IMMP2L: variants seen among roughly 807,000 people sequenced by gnomAD.
IMMP2L encodes inner mitochondrial membrane peptidase subunit 2, also known as mitochondrial inner membrane protease subunit 2.
Under a neutral mutation model 19.3 loss-of-function variants are expected in IMMP2L, and 18 were observed. The observed-to-expected ratio is 0.93, with a 90% CI of 0.64 to 1.38. The LOEUF (loss-of-function observed/expected upper bound fraction) is 1.38. IMMP2L is among the 40% of genes most tolerant of loss of function. The pLI is 0.00. For synonymous variants in IMMP2L, 76 were observed against 73.0 expected, an observed-to-expected ratio of 1.04 and a Z score of -0.21; for missense variants, 233 against 218.2, an observed-to-expected ratio of 1.07 and a Z score of -0.43.
intron 3 of IMMP2L, among the ~76,000 whole-genome samples, chr7:111,176,193 T>C (rs1232698055): frequency 1.3e-5 from 2 of 152,008 alleles, no homozygotes; most frequent in South Asian, 2.1e-4. Flanking sequence ...AATGCCACTA[T>C]GTAGAACAGT....
chr7:110,922,202 G>A (rs968710583), intron 4 of IMMP2L, among the ~76,000 whole-genome samples: 5 of 152,130 alleles, frequency 3.3e-5, no homozygotes, highest in African/African-American at 1.2e-4. Context: ...TATTTAAGAG[G>A]TCACTGGAAA....
intron 3 of IMMP2L, among the ~76,000 whole-genome samples, chr7:111,156,229 G>A (rs891068975): frequency 3.3e-5 from 5 of 151,988 alleles, no homozygotes; most frequent in African/African-American, 1.2e-4. Flanking sequence ...ATTAGAATAG[G>A]TGGGTCATAG....
intron 3 of IMMP2L, among the ~76,000 whole-genome samples, chr7:111,015,532 GT>G (rs1328201931): frequency 6.6e-6 from 1 of 152,066 alleles, no homozygotes; most frequent in African/African-American, 2.4e-5. Context: ...CTTGCAAATG[GT>G]TAAGAGGGTA....
At chr7:110,683,808 T>A (rs574995084) in intron 5 of IMMP2L, among the ~76,000 whole-genome samples, 1 of 152,268 alleles carries the variant, frequency 6.6e-6, no homozygotes, top group Non-Finnish European at 1.5e-5. Context: ...CAGCTTTGTA[T>A]ACTTTCTATT....
At position 111,388,687 on chromosome 7, in the gene IMMP2L, G is replaced by A. The variant is rs186535053; in HGVS notation, c.239+98551C>T. 1.2e-4 allele frequency among the ~76,000 whole-genome samples: 18 copies of A among 152,074 alleles called. No individual in the cohort carries two copies. In the East Asian group the frequency reaches 3.1e-3, roughly 26 times the overall value. On this transcript the variant is annotated intron_variant, in intron 3 of 5. Transcript: ENST00000405709. Reference sequence around the variant, plus strand: ...GCAGTGGCAAGAGAAAAATGAGGAGGAAGCAAAAGCAGAAACCCCGGATAA... The same window carrying A: ...GCAGTGGCAAGAGAAAAATGAGGAGAAAGCAAAAGCAGAAACCCCGGATAA...
chr7:110,821,610 C>T (rs984992910), intron 5 of IMMP2L, among the ~76,000 whole-genome samples: 3 of 151,820 alleles, frequency 2.0e-5, no homozygotes, highest in Non-Finnish European at 4.4e-5. Flanking sequence ...CTTTAAATCC[C>T]TTATAGAAAA....
In IMMP2L at chr7:111,162,703, G is replaced by A. The variant is rs1027978802; in HGVS notation, c.240-199138C>T. Among the ~76,000 whole-genome samples, 9 of 151,514 alleles carry A rather than the reference G, an allele frequency of 5.9e-5. 1 individual carries two copies. The highest frequency in any genetic ancestry group is 1.2e-4 in the African/African-American group (5 of 41,214). On this transcript the variant is annotated intron_variant, in intron 3 of 5. Coordinates refer to ENST00000405709, the MANE Select transcript of IMMP2L (RefSeq NM_032549.4). ...GTTAGATAAAATTTCCAGCTAGAAG[G>A]TATGCTCTTGCCAATGACTTTCTCC...
chr7:111,224,565 G>C, intron 3 of IMMP2L, among the ~76,000 whole-genome samples: 1 of 152,068 alleles, frequency 6.6e-6, no homozygotes, highest in East Asian at 1.9e-4. Flanking sequence ...GTAGATACTT[G>C]GTGACAGAGG....
Position 111,381,068 on chromosome 7 carries a change from T to C in IMMP2L, c.239+106170A>G, listed in dbSNP as rs1013695531. On this transcript the variant is annotated intron_variant, in intron 3 of 5. Transcript: ENST00000405709. ...TTTCACCCAGATGCCTGCATTTCCA[T>C]CAACAAGTGCTGAAACACCACGCGA... Among the ~76,000 whole-genome samples the C allele has an allele frequency of 8.1e-4, 123 of 152,102 alleles. 1 individual carries two copies. The highest frequency in any genetic ancestry group is 2.8e-3 in the African/African-American group (117 of 41,462).
chr7:110,763,385 T>C (rs1461331929), intron 5 of IMMP2L, among the ~76,000 whole-genome samples: 1 of 152,162 alleles, frequency 6.6e-6, no homozygotes, highest in Non-Finnish European at 1.5e-5. Context: ...TCAGCATTCA[T>C]TGAGTGCCTA....
intron 5 of IMMP2L, among the ~76,000 whole-genome samples, chr7:110,785,540 C>T (rs1169247722): frequency 6.6e-6 from 1 of 151,856 alleles, no homozygotes; most frequent in Non-Finnish European, 1.5e-5. Context: ...CCCATTTTGT[C>T]ATTAGATTAG....
At chr7:110,723,712 C>T (rs1248101840) in intron 5 of IMMP2L, among the ~76,000 whole-genome samples, 1 of 151,954 alleles carries the variant, frequency 6.6e-6, no homozygotes, top group Non-Finnish European at 1.5e-5. Context: ...ATTTTATATC[C>T]TCTGGTTATG....
intron 4 of IMMP2L, among the ~76,000 whole-genome samples, chr7:110,958,072 T>A (rs145083383): frequency 6.6e-6 from 1 of 152,122 alleles, no homozygotes; most frequent in East Asian, 1.9e-4. Flanking sequence ...GTCAGTGAAC[T>A]GATTAAATGA....
chr7:111,061,662 G>A (rs982206909), intron 3 of IMMP2L, among the ~76,000 whole-genome samples: 4 of 152,136 alleles, frequency 2.6e-5, no homozygotes, highest in Non-Finnish European at 5.9e-5. Flanking sequence ...GTCTTCGACT[G>A]CTTTAGCAAA....
chr7:111,283,983 A>AG (rs1273356251), intron 3 of IMMP2L, among the ~76,000 whole-genome samples: 3 of 150,892 alleles, frequency 2.0e-5, no homozygotes, highest in Non-Finnish European at 4.4e-5. Context: ...AAAAAAAAAA[A>AG]AAAAAAAAAA....
At chr7:110,921,487 G>C (rs1438319964) in intron 4 of IMMP2L, among the ~76,000 whole-genome samples, 1 of 152,148 alleles carries the variant, frequency 6.6e-6, no homozygotes, top group African/African-American at 2.4e-5. Flanking sequence ...TTATTCCTCT[G>C]CATTATTTCT....
intron 3 of IMMP2L, among the ~76,000 whole-genome samples, chr7:111,437,862 T>C (rs1258555505): frequency 6.6e-6 from 1 of 151,894 alleles, no homozygotes; most frequent in Non-Finnish European, 1.5e-5. Context: ...GTGCACAACC[T>C]GCAGAACTGA....
intron 5 of IMMP2L, among the ~76,000 whole-genome samples, chr7:110,806,630 A>G (rs529784075): frequency 6.6e-6 from 1 of 152,060 alleles, no homozygotes; most frequent in Non-Finnish European, 1.5e-5. Flanking sequence ...AATGAAACCA[A>G]CTAAAGGGAT....
At chr7:111,059,006 G>A (rs1280777432) in intron 3 of IMMP2L, among the ~76,000 whole-genome samples, 1 of 151,434 alleles carries the variant, frequency 6.6e-6, no homozygotes, top group African/African-American at 2.4e-5. Context: ...ATTTTGAGAT[G>A]GAGTCTTGCA....
Sources: allele counts gnomAD v4.1 joint callset (sites outside exome capture counted in the v4.1 genomes callset), GRCh38; gene constraint gnomAD v4.1.1; transcripts MANE v1.5; gene names NCBI Gene and HGNC (gene_info 2026-07-23, HGNC 2026-07-21).